The following TMEM62 variants were observed in gnomAD, a reference collection of about 807,000 sequenced individuals.
TMEM62 encodes the protein transmembrane protein 62.
Under a neutral mutation model 70.4 loss-of-function variants are expected in TMEM62, and 41 were observed. The ratio of observed to expected loss-of-function variants is 0.58; its 90% CI spans 0.45 to 0.76. The LOEUF (loss-of-function observed/expected upper bound fraction) is 0.76, where lower values mean the gene tolerates loss of function less well. Ranked by LOEUF, TMEM62 falls within the 30% of genes least tolerant of loss-of-function variation. The pLI, the probability that TMEM62 is intolerant of heterozygous loss-of-function variation, is 0.00. For synonymous variants in TMEM62, 268 were observed against 291.0 expected (o/e 0.92, Z 0.80); for missense variants, 688 against 788.5 (o/e 0.87, Z 1.53).
chr15:43,171,481 T>C (rs2040185292), intron 11 of TMEM62, among the ~76,000 whole-genome samples: 1 of 152,098 alleles, frequency 6.6e-6, no homozygotes, highest in African/African-American at 2.4e-5. Flanking sequence ...TCCTGTATTT[T>C]CCCCACTTTT....
chr15:43,161,882 G>T (rs185702184), intron 10 of TMEM62, among the ~76,000 whole-genome samples: 4 of 151,870 alleles, frequency 2.6e-5, no homozygotes, highest in African/African-American at 9.7e-5. Context: ...GGCTGGTCTC[G>T]AACTCCTGAC....
At chr15:43,138,649 A>G (rs373632569) in intron 4 of TMEM62, 30 bp downstream of exon 4, 13 of 1,540,230 alleles carry the variant, frequency 8.4e-6, no homozygotes, top group African/African-American at 8.3e-5. Flanking sequence ...ACAGACCACT[A>G]TGTAGAGTCA....
intron 10 of TMEM62, among the ~76,000 whole-genome samples, chr15:43,166,619 A>G (rs1303648069): frequency 1.3e-5 from 2 of 149,118 alleles, no homozygotes; most frequent in Non-Finnish European, 3.0e-5. Flanking sequence ...ATTTGGCAGG[A>G]TCACAGGACA....
intron 13 of TMEM62, among the ~76,000 whole-genome samples, chr15:43,183,005 C>T (rs2041500782): frequency 6.6e-6 from 1 of 152,204 alleles, no homozygotes. Flanking sequence ...AGATGTCTAA[C>T]AGGCATCTCA....
At chr15:43,173,855 CTTTTTTT>C (rs751203696) in intron 11 of TMEM62, among the ~76,000 whole-genome samples, 1 of 107,388 alleles carries the variant, frequency 9.3e-6, no homozygotes, top group East Asian at 2.9e-4. Flanking sequence ...AATGCAGGAA[CTTTTTTT>C]TTTTTTTTTT....
chr15:43,166,598 C>T (rs947701901), intron 10 of TMEM62, among the ~76,000 whole-genome samples: 1 of 146,928 alleles, frequency 6.8e-6, no homozygotes. Flanking sequence ...GGGTGTTTCT[C>T]GCAGAGGGGG....
chr15:43,184,235 A>G (rs2041678001), intron 13 of TMEM62, 25 bp from the exon 14 acceptor site: 1 of 1,588,624 alleles, frequency 6.3e-7, no homozygotes, highest in South Asian at 1.1e-5. Flanking sequence ...ACTTGGGAGT[A>G]AGCTATGGTT....
chr15:43,162,843 A>C (rs61125833), intron 10 of TMEM62, among the ~76,000 whole-genome samples: 513 of 152,206 alleles, frequency 3.4e-3, no homozygotes, highest in African/African-American at 0.012. Flanking sequence ...TCTCTCTAAT[A>C]TAGTTTCTTG....
chr15:43,134,873 T>G (rs770000368), intron 2 of TMEM62, among the ~76,000 whole-genome samples: 20 of 152,228 alleles, frequency 1.3e-4, no homozygotes, highest in Non-Finnish European at 1.6e-4. Flanking sequence ...AACACTTTAT[T>G]TGCTTTCAAA....
chr15:43,153,797 G>A (rs2037706195), intron 8 of TMEM62, among the ~76,000 whole-genome samples: 1 of 152,160 alleles, frequency 6.6e-6, no homozygotes, highest in Non-Finnish European at 1.5e-5. Context: ...ACGCTTCTAT[G>A]AATATGAGTG....
intron 7 of TMEM62, 43 bp downstream of exon 7, chr15:43,149,194 T>G (rs766511408): frequency 1.1e-5 from 18 of 1,596,154 alleles, no homozygotes; most frequent in Non-Finnish European, 1.5e-5. Flanking sequence ...ACACATAAGT[T>G]TTGCCAAAGC....
intron 4 of TMEM62, among the ~76,000 whole-genome samples, chr15:43,145,793 C>T (rs536709087): frequency 2.6e-5 from 4 of 152,146 alleles, no homozygotes; most frequent in East Asian, 1.9e-4. Flanking sequence ...TATAGGTATG[C>T]CCTCCAATAA....
At chr15:43,171,000 T>C (rs1277071311) in intron 11 of TMEM62, among the ~76,000 whole-genome samples, 1 of 152,180 alleles carries the variant, frequency 6.6e-6, no homozygotes, top group Non-Finnish European at 1.5e-5. Flanking sequence ...CAGAAGATGC[T>C]TGAAAATTAA....
chr15:43,133,838 G>A lies in TMEM62; in HGVS notation c.36G>A (p.Gly12=). 5 of 1,458,440 alleles carry A rather than the reference G, an allele frequency of 3.4e-6. No homozygotes were observed. Among genetic ancestry groups the A allele is most frequent in the Non-Finnish European group, 4.5e-6 (5 of 1,112,590 alleles). The allele number at this position is 1,458,440 out of a possible 1,614,324, so 90.3% of individuals were successfully genotyped here. The change falls in exon 1 of 14, where the codon GGG becomes GGA. Residue 12 remains glycine, a synonymous_variant. Coordinates refer to ENST00000260403, the MANE Select transcript of TMEM62 (RefSeq NM_024956.4). ...TGCTGGCTCTCAGGGTGGTCGCGGGGTTGGCGGCCGCAGCGCTGGTGGCCA... is the reference window on the plus strand; with the variant it reads ...TGCTGGCTCTCAGGGTGGTCGCGGGATTGGCGGCCGCAGCGCTGGTGGCCA... ...AAVLALRVVA[G]LAAAALVAML... is the part of the protein sequence containing the mutation.
intron 11 of TMEM62, among the ~76,000 whole-genome samples, chr15:43,174,034 AT>A (rs74338609): frequency 1.5e-4 from 22 of 146,660 alleles, no homozygotes; most frequent in South Asian, 1.1e-3. Flanking sequence ...TAATTTTTGT[AT>A]TTTTTTTTTA....
intron 13 of TMEM62, among the ~76,000 whole-genome samples, chr15:43,183,646 GT>G (rs960413499): frequency 5.8e-4 from 84 of 144,496 alleles, no homozygotes; most frequent in Admixed American, 1.9e-3. Flanking sequence ...ATATTTTTTG[GT>G]TTTTTTTTTT....
At chr15:43,155,506 T>TAAATAA (rs2037939882) in intron 9 of TMEM62, among the ~76,000 whole-genome samples, 1 of 151,900 alleles carries the variant, frequency 6.6e-6, no homozygotes, top group Admixed American at 6.6e-5. Flanking sequence ...AAAAAATAAA[T>TAAATAA]AAATAAAAAT....
At chr15:43,157,150 C>G (rs1307540171) in intron 9 of TMEM62, among the ~76,000 whole-genome samples, 1 of 152,180 alleles carries the variant, frequency 6.6e-6, no homozygotes, top group Non-Finnish European at 1.5e-5. Context: ...AGGTTCCCCA[C>G]AGTCTAGTAG....
chr15:43,139,054 C>G (rs1413503412), intron 4 of TMEM62, among the ~76,000 whole-genome samples: 1 of 152,198 alleles, frequency 6.6e-6, no homozygotes, highest in Non-Finnish European at 1.5e-5. Context: ...GAGTTTGTGG[C>G]AAGCCTGCCT....
Sources: gnomAD v4.1 joint callset for allele counts (sites outside exome capture counted in the v4.1 genomes callset) on GRCh38, gnomAD v4.1.1 for gene constraint, MANE v1.5 for transcripts, NCBI Gene and HGNC (gene_info 2026-07-23, HGNC 2026-07-21) for gene names.